DENND1B: variants seen among roughly 807,000 people sequenced by gnomAD.
DENND1B encodes the protein DENN domain containing 1B.
A neutral mutation model predicts 90.1 loss-of-function variants in DENND1B; 59 were observed. The ratio of observed to expected loss-of-function variants is 0.65; its 90% CI spans 0.53 to 0.81. The LOEUF is 0.81. Among genes scored for constraint, DENND1B ranks in the 40% least tolerant of loss-of-function variants. DENND1B has a pLI of 0.00. For synonymous variants in DENND1B, 337 were observed against 324.6 expected (o/e 1.04, Z -0.41); for missense variants, 862 against 912.6 (o/e 0.94, Z 0.71).
At position 197,717,861 on chromosome 1, in the gene DENND1B, GATA is replaced by G. The variant is rs374982089; in HGVS notation, c.83-2790_83-2788del. On this transcript the variant is annotated intron_variant, in intron 2 of 22. Coordinates refer to ENST00000620048, the MANE Select transcript of DENND1B (RefSeq NM_001195215.2). ...AAAAGAGCTCCAATTTGCACAAAAG[GATA>G]ATATTTACTTAATTCTGTGGAATTC... 3.3e-3 allele frequency among the ~76,000 whole-genome samples: 498 copies of G among 152,054 alleles called. 2 individuals are homozygous for G. Among genetic ancestry groups the G allele is most frequent in the African/African-American group, 0.012 (486 of 41,536 alleles).
rs1428140031 is a variant in DENND1B, at chr1:197,709,929, C to T, written c.126+5102G>A. Among the ~76,000 whole-genome samples the T allele has an allele frequency of 2.1e-3, 167 of 80,800 alleles. 1 individual carries two copies. The highest frequency in any genetic ancestry group is 8.9e-3 in the African/African-American group (153 of 17,164). 53.0% of individuals were successfully genotyped at this position (80,800 alleles called of 152,430 possible). On this transcript the variant is annotated intron_variant, in intron 3 of 22. Transcript: ENST00000620048. ...ACAAAAAAAGGCAGGGGTTGCAATC[C>T]TAGTCTCTGATAAAACAGACTTTAA...
chr1:197,595,483 A>C (rs867792087), intron 13 of DENND1B, 150 bp from the exon 14 acceptor site: 2 of 985,866 alleles, frequency 2.0e-6, no homozygotes, highest in Middle Eastern at 5.8e-4. Flanking sequence ...TGCAGAGAGC[A>C]CCTGCTGGTC....
intron 14 of DENND1B, among the ~76,000 whole-genome samples, chr1:197,584,445 G>GTGGT (rs1674513690): frequency 6.6e-6 from 1 of 152,194 alleles, no homozygotes; most frequent in Non-Finnish European, 1.5e-5. Context: ...ATGGTCACAT[G>GTGGT]TGGTTAGTGG....
chr1:197,534,544 C>T (rs991751547), intron 20 of DENND1B, among the ~76,000 whole-genome samples: 6 of 152,148 alleles, frequency 3.9e-5, no homozygotes, highest in African/African-American at 1.4e-4. Context: ...CAAAACTTTG[C>T]GGATTATGAA....
At chr1:197,707,673 A>T (rs539684434) in intron 3 of DENND1B, among the ~76,000 whole-genome samples, 8 of 145,630 alleles carry the variant, frequency 5.5e-5, no homozygotes, top group African/African-American at 2.0e-4. Context: ...TATATAATAT[A>T]ATAATATAAT....
intron 15 of DENND1B, among the ~76,000 whole-genome samples, chr1:197,558,124 AT>A (rs1397943556): frequency 2.6e-5 from 4 of 151,846 alleles, no homozygotes. Flanking sequence ...TTGCAAGTAG[AT>A]TTTTAAAAGA....
chr1:197,734,242 C>T, intron 2 of DENND1B: 1 of 902,258 alleles, frequency 1.1e-6, no homozygotes, highest in Non-Finnish European at 1.3e-6. Flanking sequence ...TAAACCAAAC[C>T]ATTCTTATAA....
intron 14 of DENND1B, among the ~76,000 whole-genome samples, chr1:197,586,161 G>A (rs1412084539): frequency 6.6e-6 from 1 of 152,038 alleles, no homozygotes; most frequent in Admixed American, 6.6e-5. Context: ...AGATCCAACA[G>A]TGTTTCCCAA....
chr1:197,707,548 T>G (rs1659677034), intron 3 of DENND1B, among the ~76,000 whole-genome samples: 1 of 148,658 alleles, frequency 6.7e-6, no homozygotes, highest in African/African-American at 2.5e-5. Context: ...TCTATATCAT[T>G]ATCACCCATA....
At chr1:197,689,238 C>T (rs1484881553) in intron 3 of DENND1B, among the ~76,000 whole-genome samples, 1 of 152,016 alleles carries the variant, frequency 6.6e-6, no homozygotes, top group East Asian at 1.9e-4. Flanking sequence ...TCATGTCTTA[C>T]ATGGCAGCAG....
intron 6 of DENND1B, among the ~76,000 whole-genome samples, chr1:197,657,849 A>G (rs1654004800): frequency 6.6e-6 from 1 of 152,154 alleles, no homozygotes. Flanking sequence ...TAGAGGAAGC[A>G]CCCCCAGTGT....
At chr1:197,555,010 G>T (rs952181185) in intron 15 of DENND1B, among the ~76,000 whole-genome samples, 1 of 151,792 alleles carries the variant, frequency 6.6e-6, no homozygotes, top group Non-Finnish European at 1.5e-5. Flanking sequence ...ACAGAATAGA[G>T]ACACCTGAAA....
chr1:197,776,386 T>C (rs1210233553), upstream of DENND1B, among the ~76,000 whole-genome samples: 3 of 152,186 alleles, frequency 2.0e-5, no homozygotes, highest in African/African-American at 7.2e-5. Context: ...TGCTGTCTCA[T>C]ATTTAGGATC....
In DENND1B at chr1:197,510,224, A is replaced by C. The variant is rs571421121; in HGVS notation, c.*236T>G. The C allele has an allele frequency of 1.6e-4, 82 of 513,474 alleles. No individual in the cohort carries two copies. The highest frequency in any genetic ancestry group is 1.5e-3 in the African/African-American group (76 of 51,412). 31.8% of individuals were successfully genotyped at this position (513,474 alleles called of 1,614,324 possible). A position where few individuals can be genotyped will look rare whatever the true frequency, so the allele number is the denominator to read the frequency against. ...CAAACACTGGGAAATCTCATGGTCA[A>C]TACATACTTTAAACATACATACACA... On this transcript the variant is annotated 3_prime_UTR_variant, in exon 23 of 23. Transcript: ENST00000620048.
chr1:197,587,690 A>G (rs1173381026), intron 14 of DENND1B, among the ~76,000 whole-genome samples: 1 of 152,044 alleles, frequency 6.6e-6, no homozygotes, highest in Non-Finnish European at 1.5e-5. Context: ...GTGGAAGACA[A>G]TTTTTCCACG....
At position 197,772,922 on chromosome 1, in the gene DENND1B, C is replaced by A; in HGVS notation, c.28G>T (p.Asp10Tyr). The A allele has an allele frequency of 6.4e-7, 1 of 1,551,786 alleles. No individual in the cohort carries two copies. The highest frequency in any genetic ancestry group is 1.2e-5 in the South Asian group (1 of 84,016). Reference sequence around the variant, plus strand: ...TTCAACACCAAGTCAAAGGTTCTGTCTGGATTTGCCCTAAAAGGAAAAAGT... The same window carrying A: ...TTCAACACCAAGTCAAAGGTTCTGTATGGATTTGCCCTAAAAGGAAAAAGT... MDCRTKANP[D>Y]RTFDLVLKVK... The change falls in exon 2 of 23, where the codon GAC becomes TAC. Residue 10 changes from aspartate (D) to tyrosine (Y), a missense_variant. Coordinates refer to ENST00000620048, the MANE Select transcript of DENND1B (RefSeq NM_001195215.2).
At chr1:197,580,132 G>A (rs1488432491) in intron 15 of DENND1B, among the ~76,000 whole-genome samples, 17 of 112,352 alleles carry the variant, frequency 1.5e-4, no homozygotes, top group East Asian at 2.8e-4. Context: ...TCACTCTGTC[G>A]CCCAGGCTGG....
At chr1:197,693,941 A>G (rs1343732575) in intron 3 of DENND1B, among the ~76,000 whole-genome samples, 2 of 151,658 alleles carry the variant, frequency 1.3e-5, no homozygotes, top group African/African-American at 2.4e-5. Context: ...TATGTTGATC[A>G]AGTTCAATAT....
chr1:197,722,149 A>G (rs1032382669), intron 2 of DENND1B, among the ~76,000 whole-genome samples: 2 of 152,134 alleles, frequency 1.3e-5, no homozygotes, highest in Non-Finnish European at 2.9e-5. Context: ...CAACAGAAAG[A>G]CTATCTGTGA....
Sources: gnomAD v4.1 joint callset for allele counts (sites outside exome capture counted in the v4.1 genomes callset) on GRCh38, gnomAD v4.1.1 for gene constraint, MANE v1.5 for transcripts, NCBI Gene and HGNC (gene_info 2026-07-23, HGNC 2026-07-21) for gene names.